NIPAL4: variants seen among roughly 807,000 people sequenced by gnomAD.
The protein encoded by NIPAL4 is NIPA like domain containing 4, also known as magnesium transporter NIPA4.
Under a neutral mutation model 31.6 loss-of-function variants are expected in NIPAL4, and 21 were observed. That is an observed-to-expected ratio of 0.67 (90% CI 0.47 to 0.96). The LOEUF is 0.96. Ranked by LOEUF, NIPAL4 falls within the 40% of genes least tolerant of loss-of-function variation. The pLI, the probability that NIPAL4 is intolerant of heterozygous loss-of-function variation, is 0.00. For missense variants in NIPAL4, 438 were observed against 508.0 expected (o/e 0.86, Z 1.32); for synonymous variants, 175 against 211.1 (o/e 0.83, Z 1.48).
chr5:157,473,265 G>A lies in NIPAL4; in HGVS notation c.*305G>A, dbSNP rs756590663. The A allele has an allele frequency of 5.3e-5, 16 of 302,862 alleles. No homozygotes were observed. Among genetic ancestry groups the A allele is most frequent in the Non-Finnish European group, 8.6e-5 (14 of 163,592 alleles). 18.8% of individuals were successfully genotyped at this position (302,862 alleles called of 1,614,324 possible). A position where few individuals can be genotyped will look rare whatever the true frequency, so the allele number is the denominator to read the frequency against. ...TCTCTATGCCGTTGGGAAGAAGATGGAGTCTGACCCACTGAATGTAGCACA... is the reference window on the plus strand; with the variant it reads ...TCTCTATGCCGTTGGGAAGAAGATGAAGTCTGACCCACTGAATGTAGCACA... On this transcript the variant is annotated 3_prime_UTR_variant, in exon 6 of 6. Coordinates refer to ENST00000311946, the MANE Select transcript of NIPAL4 (RefSeq NM_001099287.2).
intron 1 of NIPAL4, among the ~76,000 whole-genome samples, chr5:157,461,291 C>A (rs943398917): frequency 1.3e-5 from 2 of 152,250 alleles, no homozygotes; most frequent in African/African-American, 4.8e-5. Flanking sequence ...TCATCTGGCC[C>A]ATGCTCAGAA....
chr5:157,460,496 C>T (rs1754064435), intron 1 of NIPAL4, 139 bp downstream of exon 1: 1 of 846,752 alleles, frequency 1.2e-6, no homozygotes, highest in Non-Finnish European at 1.9e-6. Context: ...GTGGCTCCCA[C>T]CCAGCTTTGA....
chr5:157,467,168 A>G, intron 3 of NIPAL4, 63 bp downstream of exon 3: 4 of 549,334 alleles, frequency 7.3e-6, no homozygotes, highest in African/African-American at 1.9e-5. Flanking sequence ...AGACAAAGGG[A>G]GGGGTGGGTA....
At chr5:157,464,514 C>T (rs1754201029) in intron 2 of NIPAL4, among the ~76,000 whole-genome samples, 1 of 152,068 alleles carries the variant, frequency 6.6e-6, no homozygotes, top group African/African-American at 2.4e-5. Flanking sequence ...GAACTTGAGC[C>T]CGGGAGACGG....
intron 5 of NIPAL4, 147 bp downstream of exon 5, chr5:157,471,964 G>C: frequency 3.0e-6 from 2 of 656,330 alleles, no homozygotes; most frequent in East Asian, 5.5e-5. Context: ...TAATGGGCTG[G>C]TACTTGTTAG....
At chr5:157,464,487 A>G (rs1260719616) in intron 2 of NIPAL4, among the ~76,000 whole-genome samples, 1 of 152,194 alleles carries the variant, frequency 6.6e-6, no homozygotes, top group Non-Finnish European at 1.5e-5. Flanking sequence ...GAAACCAAGT[A>G]GGTGAGTGAA....
Position 157,460,252 on chromosome 5 carries a change from C to G in NIPAL4, c.-69C>G. On this transcript the variant is annotated 5_prime_UTR_variant, in exon 1 of 6. Transcript: ENST00000311946. ...GAGCCACGCGGGGGACAAGTCGCGGCCACCTGCTCCGGAGCTGGGGAGCCC... is the reference window on the plus strand; with the variant it reads ...GAGCCACGCGGGGGACAAGTCGCGGGCACCTGCTCCGGAGCTGGGGAGCCC... The G allele has an allele frequency of 6.5e-7, 1 of 1,533,404 alleles. No individual in the cohort carries two copies. Among genetic ancestry groups the G allele is most frequent in the Middle Eastern group, 1.9e-4 (1 of 5,310 alleles). 95.0% of individuals were successfully genotyped at this position (1,533,404 alleles called of 1,614,324 possible).
chr5:157,471,142 A>G (rs1166432207), intron 4 of NIPAL4, among the ~76,000 whole-genome samples: 3 of 152,152 alleles, frequency 2.0e-5, no homozygotes, highest in Non-Finnish European at 4.4e-5. Context: ...TTCAGTGGCA[A>G]TGTGGCATAG....
At chr5:157,461,617 C>G (rs1222246262) in intron 1 of NIPAL4, among the ~76,000 whole-genome samples, 1 of 152,224 alleles carries the variant, frequency 6.6e-6, no homozygotes, top group Non-Finnish European at 1.5e-5. Context: ...GCTGGAGAAA[C>G]AGGAATGAGC....
At position 157,463,296 on chromosome 5, in the gene NIPAL4, C is replaced by T. The variant is rs1293029623; in HGVS notation, c.240C>T (p.Gly80=). Residue 80 remains glycine, a synonymous_variant, in exon 2 of 6, where the codon GGC becomes GGT. Coordinates refer to ENST00000311946, the MANE Select transcript of NIPAL4 (RefSeq NM_001099287.2). ...IGSSVILKKK[G]LLRLVATGAT... Reference sequence around the variant, plus strand: ...GCAGCGTCATCCTCAAGAAGAAAGGCCTCTTGCGACTCGTGGCCACGGGAG... The same window carrying T: ...GCAGCGTCATCCTCAAGAAGAAAGGTCTCTTGCGACTCGTGGCCACGGGAG... 5.6e-6 allele frequency: 9 copies of T among 1,613,088 alleles called. No homozygotes were observed. The highest frequency in any genetic ancestry group is 4.5e-5 in the East Asian group (2 of 44,876).
intron 2 of NIPAL4, among the ~76,000 whole-genome samples, chr5:157,465,262 G>T (rs1443680071): frequency 1.3e-5 from 2 of 152,136 alleles, no homozygotes; most frequent in African/African-American, 4.8e-5. Flanking sequence ...TTCAGAGAAG[G>T]TATCATTGAC....
At position 157,460,313 on chromosome 5, in the gene NIPAL4, C is replaced by A; in HGVS notation, c.-8C>A. On this transcript the variant is annotated 5_prime_UTR_variant, in exon 1 of 6. Transcript: ENST00000311946. ...CGCCCGCGCGTCGGTTCGTGTGCCCCGGGCCCCATGGAGCTGCGGGTCAGC... is the reference window on the plus strand; with the variant it reads ...CGCCCGCGCGTCGGTTCGTGTGCCCAGGGCCCCATGGAGCTGCGGGTCAGC... 1 of 1,547,974 alleles carries A rather than the reference C, an allele frequency of 6.5e-7. No homozygotes were observed. The highest frequency in any genetic ancestry group is 2.4e-5 in the East Asian group (1 of 40,828).
At chr5:157,469,721 T>C (rs939221724) in intron 4 of NIPAL4, among the ~76,000 whole-genome samples, 2 of 152,214 alleles carry the variant, frequency 1.3e-5, no homozygotes, top group African/African-American at 4.8e-5. Context: ...AGACTCTGAT[T>C]GTTGGCGTAA....
chr5:157,464,965 A>C (rs1417716610), intron 2 of NIPAL4, among the ~76,000 whole-genome samples: 2 of 152,228 alleles, frequency 1.3e-5, no homozygotes, highest in African/African-American at 4.8e-5. Flanking sequence ...CATACCTAGC[A>C]CAGAGTAGCA....
rs1197507450 is a variant in NIPAL4, at chr5:157,472,728, C to T, written c.983C>T (p.Thr328Ile). 4 of 1,613,882 alleles carry T rather than the reference C, an allele frequency of 2.5e-6. No individual in the cohort carries two copies. In the South Asian group the frequency reaches 4.4e-5, roughly 18 times the overall value. ...YSMSAVDIAG[T>I]LSGFVTIILG... ...ATGTCTGCTGTGGACATTGCAGGCA[C>T]CCTCTCGGGCTTTGTCACCATCATC... Residue 328 changes from threonine to isoleucine, a missense_variant, in exon 6 of 6, where the codon ACC becomes ATC. Physicochemically the swap from Thr to Ile is moderately conservative, Grantham distance 89 (BLOSUM62 -1). Coordinates refer to ENST00000311946, the MANE Select transcript of NIPAL4 (RefSeq NM_001099287.2).
intron 2 of NIPAL4, among the ~76,000 whole-genome samples, chr5:157,466,085 G>A (rs543231574): frequency 1.2e-4 from 18 of 152,092 alleles, no homozygotes; most frequent in African/African-American, 4.1e-4. Flanking sequence ...AAAGGATGGT[G>A]GGAGGGAGGG....
chr5:157,467,141 A>C (rs1383483447), intron 3 of NIPAL4, 36 bp downstream of exon 3: 1 of 896,516 alleles, frequency 1.1e-6, no homozygotes, highest in Non-Finnish European at 1.8e-6. Context: ...ACAGTGGCCT[A>C]TTGATAGCAG....
chr5:157,463,232 G>C lies in NIPAL4; in HGVS notation c.176G>C (p.Gly59Ala). The change falls in exon 2 of 6, where the codon GGC becomes GCC. Residue 59 changes from glycine (G) to alanine (A), a missense_variant. Gly to Ala is a moderately conservative substitution (Grantham distance 60). Coordinates refer to ENST00000311946, the MANE Select transcript of NIPAL4 (RefSeq NM_001099287.2). ...RIRQNYGFYI[G>A]LGLAFLSSFL... ...AGGCAGAACTATGGCTTCTACATCG[G>C]CCTGGGCCTGGCATTCCTGTCTAGC... 1 of 1,613,990 alleles carries C rather than the reference G, an allele frequency of 6.2e-7. No homozygotes were observed. The highest frequency in any genetic ancestry group is 2.2e-5 in the East Asian group (1 of 44,870).
chr5:157,472,208 A>C, intron 5 of NIPAL4, 124 bp from the exon 6 acceptor site: 3 of 877,120 alleles, frequency 3.4e-6, no homozygotes, highest in Non-Finnish European at 5.3e-6. Flanking sequence ...TGGGACTGGA[A>C]CCCGGGTTTG....
Sources: allele counts gnomAD v4.1 joint callset (sites outside exome capture counted in the v4.1 genomes callset), GRCh38; gene constraint gnomAD v4.1.1; transcripts MANE v1.5; gene names NCBI Gene and HGNC (gene_info 2026-07-23, HGNC 2026-07-21).